The following TTC28 variants were observed in gnomAD, a reference collection of about 807,000 sequenced individuals.
The protein encoded by TTC28 is tetratricopeptide repeat domain 28.
A neutral mutation model predicts 198.0 loss-of-function variants in TTC28; 61 were observed. The ratio of observed to expected loss-of-function variants is 0.31; its 90% CI spans 0.25 to 0.38. TTC28 has a LOEUF of 0.38. Among genes scored for constraint, TTC28 ranks in the 10% least tolerant of loss-of-function variants. The probability of loss-of-function intolerance (pLI) is 1.00; values close to 1 mark genes in which losing one functional copy is unlikely to be tolerated. For missense variants in TTC28, 2,678 were observed against 3,164.0 expected (o/e 0.85, Z 3.69); for synonymous variants, 1,171 against 1,297.8 (o/e 0.90, Z 2.10).
intron 2 of TTC28, among the ~76,000 whole-genome samples, chr22:28,503,142 AT>A (rs1328113210): frequency 1.5e-4 from 23 of 152,150 alleles, no homozygotes; most frequent in African/African-American, 5.3e-4. Flanking sequence ...AAACCTAACA[AT>A]ATGCCTTTCC....
intron 5 of TTC28, among the ~76,000 whole-genome samples, chr22:28,166,798 C>G (rs1263644579): frequency 6.6e-6 from 1 of 152,060 alleles, no homozygotes; most frequent in Admixed American, 6.6e-5. Context: ...CAAAAGCTAG[C>G]AGAAGGCAAG....
chr22:28,603,564 A>T (rs2050678042), intron 2 of TTC28, among the ~76,000 whole-genome samples: 1 of 151,792 alleles, frequency 6.6e-6, no homozygotes, highest in Non-Finnish European at 1.5e-5. Flanking sequence ...TTTCTTTTTT[A>T]AATTATTTTT....
chr22:28,373,511 T>G (rs933704726), intron 2 of TTC28, among the ~76,000 whole-genome samples: 2 of 152,178 alleles, frequency 1.3e-5, no homozygotes, highest in South Asian at 4.1e-4. Flanking sequence ...AACCACATCT[T>G]CAAAACTACC....
chr22:28,427,640 T>C (rs1221519096), intron 2 of TTC28, among the ~76,000 whole-genome samples: 5 of 152,102 alleles, frequency 3.3e-5, no homozygotes, highest in Non-Finnish European at 7.4e-5. Context: ...GCGACAAGAA[T>C]GAAACTCCGT....
chr22:28,599,050 C>T (rs907778986), intron 2 of TTC28, among the ~76,000 whole-genome samples: 2 of 152,078 alleles, frequency 1.3e-5, no homozygotes, highest in African/African-American at 4.8e-5. Context: ...TCTCTGTGCG[C>T]TATATAGTAT....
At chr22:28,459,040 T>C (rs570137079) in intron 2 of TTC28, among the ~76,000 whole-genome samples, 1 of 152,020 alleles carries the variant, frequency 6.6e-6, no homozygotes, top group South Asian at 2.1e-4. Flanking sequence ...TGTGGACGTG[T>C]GTGTGTTGAC....
chr22:28,509,161 A>AGTGT lies in TTC28; in HGVS notation c.381+120390_381+120391insACAC, dbSNP rs1164054079. 7.4e-3 allele frequency among the ~76,000 whole-genome samples: 1,126 copies of AGTGT among 151,738 alleles called. 19 individuals carry two copies. The highest frequency in any genetic ancestry group is 0.025 in the African/African-American group (1,034 of 41,388). ...AGCTGAGATTGCACCACTGCACTCT[A>AGTGT]GCCTGGGCAACAAAGTGAGATTCTG... is the stretch of plus-strand genomic sequence containing the variant. On this transcript the variant is annotated intron_variant, in intron 2 of 22. Transcript: ENST00000397906.
chr22:28,275,882 G>T lies in TTC28; in HGVS notation c.933+20316C>A, dbSNP rs530605585. 2.6e-3 allele frequency among the ~76,000 whole-genome samples: 389 copies of T among 152,290 alleles called. 2 individuals carry two copies. The highest frequency in any genetic ancestry group is 1.9e-3 in the Non-Finnish European group (127 of 68,028). On this transcript the variant is annotated intron_variant, in intron 5 of 22. Coordinates refer to ENST00000397906, the MANE Select transcript of TTC28 (RefSeq NM_001145418.2). The stretch of plus-strand genomic sequence containing the variant: ...AGCTGGTAAGTTTGGTTTCCAAAGG[G>T]TGGCTAGGTAATCCTGACCTCCCAG...
At chr22:28,037,961 G>C (rs954041880) in intron 12 of TTC28, among the ~76,000 whole-genome samples, 8 of 152,138 alleles carry the variant, frequency 5.3e-5, no homozygotes, top group African/African-American at 9.7e-5. Context: ...CAACTTACAA[G>C]GGATGTGAAG....
rs570714776 is a variant in TTC28 at position 28,570,197 on chromosome 22, C to A, written c.381+59355G>T. On this transcript the variant is annotated intron_variant, in intron 2 of 22. Coordinates refer to ENST00000397906, the MANE Select transcript of TTC28 (RefSeq NM_001145418.2). Reference sequence around the variant, plus strand: ...TAGAACTACTATTCAACACAGCAATCCCATGACTGGGTATATAACTAAAGG... The same window carrying A: ...TAGAACTACTATTCAACACAGCAATACCATGACTGGGTATATAACTAAAGG... 2.0e-5 allele frequency among the ~76,000 whole-genome samples: 3 copies of A among 152,298 alleles called. No individual in the cohort carries two copies. The South Asian group carries it at 6.2e-4, about 32-fold the overall frequency.
At chr22:28,388,984 T>G (rs1349243961) in intron 2 of TTC28, among the ~76,000 whole-genome samples, 1 of 152,154 alleles carries the variant, frequency 6.6e-6, no homozygotes, top group Non-Finnish European at 1.5e-5. Context: ...GGGTTTGTCA[T>G]AGATAGCTCT....
intron 5 of TTC28, among the ~76,000 whole-genome samples, chr22:28,288,837 T>C (rs925736304): frequency 1.3e-5 from 2 of 151,102 alleles, no homozygotes; most frequent in African/African-American, 4.9e-5. Flanking sequence ...AGCTATATAA[T>C]TTTTAGGTCA....
rs924735639 is a variant in TTC28 at position 28,679,752 on chromosome 22, C to G, written c.-29G>C. The G allele has an allele frequency of 4.3e-6, 5 of 1,154,968 alleles. No individual in the cohort carries two copies. Among genetic ancestry groups the G allele is most frequent in the African/African-American group, 3.2e-5 (2 of 61,728 alleles). 71.5% of individuals were successfully genotyped at this position (1,154,968 alleles called of 1,614,324 possible). On this transcript the variant is annotated 5_prime_UTR_variant, in exon 1 of 23. Coordinates refer to ENST00000397906, the MANE Select transcript of TTC28 (RefSeq NM_001145418.2). The stretch of plus-strand genomic sequence containing the variant: ...CACGGGGCCCGGGCCGCGTCCGCCT[C>G]GAGCTAACGGTCCCGCCAGCTAGGC...
chr22:28,371,509 C>CAAAAAAAAAAAAAAAAAAAAA (rs1229801209), intron 2 of TTC28, among the ~76,000 whole-genome samples: 89 of 6,104 alleles, frequency 0.015, 26 homozygotes, highest in Non-Finnish European at 0.019. Flanking sequence ...GACCCTGTCT[C>CAAAAAAAAAAAAAAAAAAAAA]AAAAAAAAAA....
intron 6 of TTC28, among the ~76,000 whole-genome samples, chr22:28,148,396 G>A (rs925340974): frequency 4.6e-5 from 7 of 152,110 alleles, no homozygotes; most frequent in Admixed American, 2.0e-4. Flanking sequence ...GGCAGATCAC[G>A]AAGTCAGGAG....
intron 2 of TTC28, among the ~76,000 whole-genome samples, chr22:28,380,048 T>G (rs1198051132): frequency 8.4e-6 from 1 of 119,434 alleles, no homozygotes; most frequent in African/African-American, 2.6e-5. Flanking sequence ...CTATGCTTCT[T>G]CAAAACGTTA....
At chr22:28,168,149 C>A (rs557002761) in intron 5 of TTC28, among the ~76,000 whole-genome samples, 11 of 152,270 alleles carry the variant, frequency 7.2e-5, no homozygotes, top group African/African-American at 2.6e-4. Flanking sequence ...GAACTACAAA[C>A]CACTGCTCAA....
intron 12 of TTC28, among the ~76,000 whole-genome samples, chr22:28,031,546 G>A (rs1333219428): frequency 6.6e-6 from 1 of 152,176 alleles, no homozygotes; most frequent in Admixed American, 6.5e-5. Context: ...AAGGCTTGGT[G>A]CATACAGATT....
At chr22:28,576,152 G>A (rs2050146591) in intron 2 of TTC28, among the ~76,000 whole-genome samples, 1 of 151,052 alleles carries the variant, frequency 6.6e-6, no homozygotes, top group Non-Finnish European at 1.5e-5. Context: ...CTTTTATTGT[G>A]TTATATTCCT....
Sources: gnomAD v4.1 joint callset for allele counts (sites outside exome capture counted in the v4.1 genomes callset) on GRCh38, gnomAD v4.1.1 for gene constraint, MANE v1.5 for transcripts, NCBI Gene and HGNC (gene_info 2026-07-23, HGNC 2026-07-21) for gene names.